The following CA8 variants were observed in gnomAD, a reference collection of about 807,000 sequenced individuals.
CA8 encodes carbonic anhydrase 8 (inactive).
A neutral mutation model predicts 41.4 loss-of-function variants in CA8; 22 were observed. That is an observed-to-expected ratio of 0.53 (90% confidence interval 0.38 to 0.76). CA8 has a LOEUF of 0.76. Among genes scored for constraint, CA8 ranks in the 30% least tolerant of loss-of-function variants. CA8 has a pLI of 0.00. For synonymous variants in CA8, 121 were observed against 130.6 expected, an observed-to-expected ratio of 0.93 and a Z score of 0.50; for missense variants, 270 against 352.8, an observed-to-expected ratio of 0.77 and a Z score of 1.88.
chr8:60,207,493 A>G (rs532146335), intron 8 of CA8, among the ~76,000 whole-genome samples: 1 of 152,282 alleles, frequency 6.6e-6, no homozygotes, highest in South Asian at 2.1e-4. Flanking sequence ...TCAACTCTTT[A>G]TCTTCAACCA....
intron 2 of CA8, among the ~76,000 whole-genome samples, chr8:60,274,239 T>C (rs1213181205): frequency 6.6e-6 from 1 of 151,938 alleles, no homozygotes; most frequent in Non-Finnish European, 1.5e-5. Context: ...ACTCAAAACA[T>C]TTATCTGCCC....
intron 2 of CA8, among the ~76,000 whole-genome samples, chr8:60,270,115 C>A (rs1804022174): frequency 1.3e-5 from 2 of 152,240 alleles, no homozygotes; most frequent in Non-Finnish European, 2.9e-5. Context: ...TGCTTACGAG[C>A]TGGGATTTCT....
At chr8:60,264,385 A>G (rs1276693388) in intron 3 of CA8, among the ~76,000 whole-genome samples, 6 of 152,234 alleles carry the variant, frequency 3.9e-5, no homozygotes, top group African/African-American at 1.4e-4. Flanking sequence ...GAGGCAGGGC[A>G]AAGGCGCTGA....
At chr8:60,210,942 A>G (rs1270905610) in intron 7 of CA8, among the ~76,000 whole-genome samples, 3 of 152,176 alleles carry the variant, frequency 2.0e-5, no homozygotes, top group Non-Finnish European at 2.9e-5. Context: ...CTTTCACCTT[A>G]AAGTTTTCCC....
chr8:60,199,836 T>C (rs1263566929), intron 8 of CA8, among the ~76,000 whole-genome samples: 2 of 152,222 alleles, frequency 1.3e-5, no homozygotes, highest in African/African-American at 4.8e-5. Context: ...CCAATCTATA[T>C]GTACCAACAT....
chr8:60,193,090 G>C (rs1806182766), intron 8 of CA8, among the ~76,000 whole-genome samples: 2 of 151,994 alleles, frequency 1.3e-5, no homozygotes, highest in Admixed American at 6.6e-5. Flanking sequence ...TGATGTAAAA[G>C]TATTCAGAGG....
intron 3 of CA8, among the ~76,000 whole-genome samples, chr8:60,232,847 A>G (rs996963567): frequency 2.6e-5 from 4 of 152,198 alleles, no homozygotes; most frequent in Admixed American, 6.5e-5. Context: ...TCAACTTTCT[A>G]AGAATATTCA....
At chr8:60,267,621 T>C (rs145640244) in intron 2 of CA8, among the ~76,000 whole-genome samples, 42 of 152,286 alleles carry the variant, frequency 2.8e-4, no homozygotes, top group African/African-American at 7.9e-4. Context: ...CCTGCCACAG[T>C]CAGCCTCCTA....
At chr8:60,276,803 TC>T (rs758621245) in intron 2 of CA8, among the ~76,000 whole-genome samples, 1 of 152,036 alleles carries the variant, frequency 6.6e-6, no homozygotes, top group Non-Finnish European at 1.5e-5. Flanking sequence ...GAGAGTGAAA[TC>T]ATAAGAAAGA....
In CA8 at chr8:60,281,139, G is replaced by T; in HGVS notation, c.9C>A (p.Asp3Glu). Reference sequence around the variant, plus strand: ...CGACGGTATCTTCGATGAAGCTCAGGTCCGCCATGGGAAGGCCGCGGGGCC... The same window carrying T: ...CGACGGTATCTTCGATGAAGCTCAGTTCCGCCATGGGAAGGCCGCGGGGCC... MA[D>E]LSFIEDTVAF... Residue 3 changes from aspartate to glutamate, a missense_variant, in exon 1 of 9, where the codon GAC (aspartate) becomes GAA (glutamate). Physicochemically the swap from Asp to Glu is conservative, Grantham distance 45. Coordinates refer to ENST00000317995, the MANE Select transcript of CA8 (RefSeq NM_004056.6). 1 of 1,569,490 alleles carries T rather than the reference G, an allele frequency of 6.4e-7. No homozygotes were observed.
chr8:60,224,311 G>A (rs560135323), intron 6 of CA8, among the ~76,000 whole-genome samples: 3 of 152,304 alleles, frequency 2.0e-5, no homozygotes, highest in South Asian at 2.1e-4. Context: ...ACAATCCTAC[G>A]AAAGCTCTTC....
At chr8:60,275,082 T>A (rs1215954862) in intron 2 of CA8, among the ~76,000 whole-genome samples, 3 of 152,142 alleles carry the variant, frequency 2.0e-5, no homozygotes, top group Non-Finnish European at 4.4e-5. Context: ...GTGGCCAACT[T>A]GAGCCATCCC....
intron 3 of CA8, among the ~76,000 whole-genome samples, chr8:60,252,955 G>A (rs967792038): frequency 1.3e-5 from 2 of 151,970 alleles, no homozygotes; most frequent in Non-Finnish European, 2.9e-5. Flanking sequence ...CATGGCTCAG[G>A]GTGGTGGTTC....
chr8:60,226,826 G>T, intron 5 of CA8, 47 bp downstream of exon 5: 2 of 1,104,926 alleles, frequency 1.8e-6, no homozygotes, highest in Non-Finnish European at 2.8e-6. Context: ...GTCACAGGGA[G>T]CTCCTACACA....
intron 3 of CA8, among the ~76,000 whole-genome samples, chr8:60,262,279 A>T (rs1484286006): frequency 6.6e-6 from 1 of 151,912 alleles, no homozygotes; most frequent in African/African-American, 2.4e-5. Context: ...GAAGGGAATA[A>T]ACAGTTCCAG....
intron 3 of CA8, among the ~76,000 whole-genome samples, chr8:60,244,715 T>C (rs1808163362): frequency 6.6e-6 from 1 of 152,218 alleles, no homozygotes; most frequent in African/African-American, 2.4e-5. Flanking sequence ...ATTCAAACTA[T>C]TACAATTTAC....
At chr8:60,264,029 A>G (rs747963714) in intron 3 of CA8, among the ~76,000 whole-genome samples, 6 of 152,360 alleles carry the variant, frequency 3.9e-5, no homozygotes, top group East Asian at 3.9e-4. Flanking sequence ...CTAAATACAA[A>G]TATTTCTGCA....
At chr8:60,279,056 A>T (rs1804328570) in intron 2 of CA8, among the ~76,000 whole-genome samples, 1 of 152,222 alleles carries the variant, frequency 6.6e-6, no homozygotes, top group South Asian at 2.1e-4. Context: ...TGCACAGAAC[A>T]TTTCAGATCC....
chr8:60,267,010 T>C (rs565654354), intron 2 of CA8, among the ~76,000 whole-genome samples: 1 of 152,328 alleles, frequency 6.6e-6, no homozygotes, highest in South Asian at 2.1e-4. Flanking sequence ...AAACAGATTG[T>C]CCTTTTGGGT....
Sources: gnomAD v4.1 joint callset for allele counts (sites outside exome capture counted in the v4.1 genomes callset) on GRCh38, gnomAD v4.1.1 for gene constraint, MANE v1.5 for transcripts, NCBI Gene and HGNC (gene_info 2026-07-23, HGNC 2026-07-21) for gene names.